RSU1: variants seen among roughly 807,000 people sequenced by gnomAD.
The protein encoded by RSU1 is Ras suppressor protein 1, also known as rsu-1.
A neutral mutation model predicts 31.1 loss-of-function variants in RSU1; 26 were observed. The observed-to-expected ratio is 0.84, with a 90% CI of 0.61 to 1.16. RSU1 has a LOEUF of 1.16. Among genes scored for constraint, RSU1 ranks in the 50% most tolerant of loss-of-function variants. RSU1 has a pLI of 0.00. For missense variants in RSU1, 320 were observed against 339.1 expected (o/e 0.94, Z 0.44); for synonymous variants, 164 against 136.3 (o/e 1.20, Z -1.41).
intron 8 of RSU1, among the ~76,000 whole-genome samples, chr10:16,598,279 C>G (rs1833655345): frequency 6.6e-6 from 1 of 152,146 alleles, no homozygotes; most frequent in Non-Finnish European, 1.5e-5. Context: ...GGGTACACAT[C>G]TGTAATCCCA....
intron 8 of RSU1, among the ~76,000 whole-genome samples, chr10:16,598,911 T>C: frequency 6.6e-6 from 1 of 151,940 alleles, no homozygotes; most frequent in East Asian, 1.9e-4. Context: ...GGAAAATGAG[T>C]TTCTGGGATA....
intron 8 of RSU1, among the ~76,000 whole-genome samples, chr10:16,623,316 T>G (rs1397253620): frequency 6.6e-6 from 1 of 152,210 alleles, no homozygotes; most frequent in African/African-American, 2.4e-5. Flanking sequence ...GTTAATTCGC[T>G]TAGGATAATG....
chr10:16,640,627 AC>A (rs926360964), intron 8 of RSU1, among the ~76,000 whole-genome samples: 2 of 152,134 alleles, frequency 1.3e-5, no homozygotes, highest in African/African-American at 2.4e-5. Flanking sequence ...AATGGGCCTT[AC>A]CCCCTGCTGC....
rs74751851 is a variant in RSU1 at position 16,664,201 on chromosome 10, T to C, written c.731+30822A>G. Among the ~76,000 whole-genome samples the C allele has an allele frequency of 4.2e-3, 635 of 152,346 alleles. 3 individuals are homozygous for C. Among genetic ancestry groups the C allele is most frequent in the African/African-American group, 0.014 (597 of 41,588 alleles). On this transcript the variant is annotated intron_variant, in intron 8 of 8. Transcript: ENST00000345264. ...GCTTTATGTTAATTTTAGAAGTTTA[T>C]GAGGTCTTGAGGGAAATTACAGATC...
chr10:16,649,830 T>G (rs186388599), intron 8 of RSU1, among the ~76,000 whole-genome samples: 109 of 152,316 alleles, frequency 7.2e-4, no homozygotes, highest in East Asian at 1.2e-3. Flanking sequence ...ATTTAATTTT[T>G]GGGGGAAAAA....
chr10:16,710,304 A>G (rs1835990254), intron 7 of RSU1, among the ~76,000 whole-genome samples: 1 of 152,190 alleles, frequency 6.6e-6, no homozygotes, highest in South Asian at 2.1e-4. Context: ...GATGTATTAC[A>G]CTTATTGACT....
At chr10:16,664,635 T>A (rs960339101) in intron 8 of RSU1, among the ~76,000 whole-genome samples, 2 of 152,206 alleles carry the variant, frequency 1.3e-5, no homozygotes, top group African/African-American at 4.8e-5. Flanking sequence ...CTATGGGAAC[T>A]ACACTTTTTA....
chr10:16,606,667 G>A (rs1833810676), intron 8 of RSU1, among the ~76,000 whole-genome samples: 1 of 152,146 alleles, frequency 6.6e-6, no homozygotes, highest in South Asian at 2.1e-4. Flanking sequence ...GAAGCCTTAA[G>A]CAATATCACG....
intron 8 of RSU1, among the ~76,000 whole-genome samples, chr10:16,627,798 T>C (rs1226978840): frequency 6.6e-6 from 1 of 151,076 alleles, no homozygotes; most frequent in Non-Finnish European, 1.5e-5. Context: ...AACCGAATTA[T>C]GGTACTGACT....
chr10:16,782,540 G>A (rs895324873), intron 2 of RSU1, among the ~76,000 whole-genome samples: 5 of 152,116 alleles, frequency 3.3e-5, no homozygotes, highest in Non-Finnish European at 5.9e-5. Flanking sequence ...GCAGAAGGCC[G>A]CCAGTGTTAT....
At chr10:16,713,990 C>G (rs1488005501) in intron 7 of RSU1, among the ~76,000 whole-genome samples, 1 of 152,114 alleles carries the variant, frequency 6.6e-6, no homozygotes, top group African/African-American at 2.4e-5. Flanking sequence ...ATGGCCTATG[C>G]TGTAGGTATT....
intron 8 of RSU1, among the ~76,000 whole-genome samples, chr10:16,634,641 G>A (rs1174200669): frequency 6.6e-6 from 1 of 152,112 alleles, no homozygotes; most frequent in African/African-American, 2.4e-5. Flanking sequence ...CAACTCCCAT[G>A]GGATAAAAAT....
intron 8 of RSU1, among the ~76,000 whole-genome samples, chr10:16,692,643 G>T (rs748598974): frequency 2.0e-5 from 3 of 152,040 alleles, no homozygotes; most frequent in Non-Finnish European, 4.4e-5. Flanking sequence ...TTACAAAGAA[G>T]AAGATAAACA....
chr10:16,751,202 G>C (rs1420712936), intron 7 of RSU1, among the ~76,000 whole-genome samples: 1 of 151,980 alleles, frequency 6.6e-6, no homozygotes, highest in Non-Finnish European at 1.5e-5. Flanking sequence ...TTTTTGCCTT[G>C]AAAATGTTTG....
chr10:16,630,474 G>A (rs1588683358), intron 8 of RSU1, among the ~76,000 whole-genome samples: 2 of 152,236 alleles, frequency 1.3e-5, no homozygotes, highest in South Asian at 2.1e-4. Flanking sequence ...AATGAGAGCT[G>A]GTGACAGCAT....
rs1564332459 is a variant in RSU1, at chr10:16,722,855, T to TATACATATATGTATATATACACAC, written c.599-27701_599-27700insGTGTGTATATATACATATATGTAT. Among the ~76,000 whole-genome samples, 137 of 50,710 alleles carry TATACATATATGTATATATACACAC rather than the reference T, an allele frequency of 2.7e-3. 33 individuals are homozygous for TATACATATATGTATATATACACAC. Among genetic ancestry groups the TATACATATATGTATATATACACAC allele is most frequent in the East Asian group, 0.02 (12 of 604 alleles). The allele number at this position is 50,710 out of a possible 152,430, so 33.3% of individuals were successfully genotyped here. ...CCACATATATGTATATATACACACATATATACATATATGTATATATACACA... is the reference window on the plus strand; with the variant it reads ...CCACATATATGTATATATACACACATATACATATATGTATATATACACACATATACATATATGTATATATACACA... On this transcript the variant is annotated intron_variant, in intron 7 of 8. Transcript: ENST00000345264.
intron 2 of RSU1, among the ~76,000 whole-genome samples, chr10:16,797,837 G>T (rs1838071394): frequency 6.9e-6 from 1 of 144,680 alleles, no homozygotes; most frequent in Non-Finnish European, 1.5e-5. Context: ...AGAAACAGAA[G>T]TTAAAGTGGG....
At chr10:16,785,357 G>A (rs1022021739) in intron 2 of RSU1, among the ~76,000 whole-genome samples, 2 of 150,880 alleles carry the variant, frequency 1.3e-5, no homozygotes, top group African/African-American at 4.9e-5. Flanking sequence ...CCTTGTGGTA[G>A]TGTGAGTTAA....
At chr10:16,722,839 T>C (rs1212732947) in intron 7 of RSU1, among the ~76,000 whole-genome samples, 6 of 112,064 alleles carry the variant, frequency 5.4e-5, no homozygotes, top group African/African-American at 1.8e-4. Context: ...GCCACATATA[T>C]GTATATATAC....
Sources: gnomAD v4.1 joint callset for allele counts (sites outside exome capture counted in the v4.1 genomes callset) on GRCh38, gnomAD v4.1.1 for gene constraint, MANE v1.5 for transcripts, NCBI Gene and HGNC (gene_info 2026-07-23, HGNC 2026-07-21) for gene names.